NUP88: variants seen among roughly 807,000 people sequenced by gnomAD.
NUP88 encodes the protein nuclear pore complex protein Nup88.
Under a neutral mutation model 93.9 loss-of-function variants are expected in NUP88, and 57 were observed. The ratio of observed to expected loss-of-function variants is 0.61; its 90% CI spans 0.49 to 0.76. The LOEUF (loss-of-function observed/expected upper bound fraction) is 0.76, where lower values mean the gene tolerates loss of function less well. NUP88 is among the 30% of genes least tolerant of loss of function. The probability of loss-of-function intolerance (pLI) is 0.00; values close to 1 mark genes in which losing one functional copy is unlikely to be tolerated. For missense variants in NUP88, 911 were observed against 901.0 expected (o/e 1.01, Z -0.14); for synonymous variants, 346 against 336.8 (o/e 1.03, Z -0.30).
At chr17:5,386,385 A>G in intron 16 of NUP88, 116 bp from the exon 17 acceptor site, 1 of 830,326 alleles carries the variant, frequency 1.2e-6, no homozygotes, top group Non-Finnish European at 2.0e-6. Context: ...TAAAATTAAC[A>G]GCTGAAGGTT....
In NUP88 at chr17:5,386,844, T is replaced by C. The variant is rs1912023944; in HGVS notation, c.2044-18A>G. On this transcript the variant is annotated intron_variant, in intron 15 of 16. Coordinates refer to ENST00000573584, the MANE Select transcript of NUP88 (RefSeq NM_002532.6). The stretch of plus-strand genomic sequence containing the variant: ...ATAGTAACCTTAAGTATTAAAATAA[T>C]AGATATTTTGGCAGTGGTTTGCCAC... The C allele has an allele frequency of 1.3e-6, 2 of 1,588,822 alleles. No individual in the cohort carries two copies.
At position 5,416,664 on chromosome 17, in the gene NUP88, G is replaced by C. The variant is rs144183933; in HGVS notation, c.316C>G (p.Pro106Ala). 5.6e-6 allele frequency: 9 copies of C among 1,606,162 alleles called. No individual in the cohort carries two copies. In the East Asian group the frequency reaches 1.6e-4, roughly 28 times the overall value. Residue 106 changes from proline (P) to alanine (A), a missense_variant, in exon 2 of 17, where the codon CCA becomes GCA. Transcript: ENST00000573584. ...ACTTGATAGATTTCAAACAGGGGTGGATTTATGCAAAGCAATCTCTGAAAA... is the reference window on the plus strand; with the variant it reads ...ACTTGATAGATTTCAAACAGGGGTGCATTTATGCAAAGCAATCTCTGAAAA... ...SQYQRLLCIN[P>A]PLFEIYQVLL...
chr17:5,392,235 T>A (rs1046913793), intron 9 of NUP88, among the ~76,000 whole-genome samples: 2 of 152,192 alleles, frequency 1.3e-5, no homozygotes, highest in Non-Finnish European at 2.9e-5. Flanking sequence ...TGCCCCCGAA[T>A]GTGGATGCCG....
chr17:5,414,164 A>G, intron 2 of NUP88, 30 bp from the exon 3 acceptor site: 2 of 1,599,924 alleles, frequency 1.3e-6, no homozygotes, highest in South Asian at 1.1e-5. Flanking sequence ...TTTCCAAAAC[A>G]TTTTGTACAA....
chr17:5,391,512 T>A (rs767095086), intron 10 of NUP88, 49 bp downstream of exon 10: 1 of 1,456,746 alleles, frequency 6.9e-7, no homozygotes, highest in Non-Finnish European at 9.6e-7. Context: ...CCAACTTAGA[T>A]ATTGCAGAAT....
chr17:5,400,763 G>A (rs1282196293), intron 7 of NUP88, among the ~76,000 whole-genome samples: 1 of 152,136 alleles, frequency 6.6e-6, no homozygotes, highest in Non-Finnish European at 1.5e-5. Flanking sequence ...TTAACACAAC[G>A]GCTCAGGGAA....
rs756187140 is a variant in NUP88 at position 5,408,846 on chromosome 17, T to C, written c.744A>G (p.Ala248=). 6 of 1,613,868 alleles carry C rather than the reference T, an allele frequency of 3.7e-6. No homozygotes were observed. In the African/African-American group the frequency reaches 8.0e-5, roughly 22 times the overall value. ...TTTGTCCAAATAGAGTCTTTGGGAC[T>C]GCTGCCAATGGCCCAAAGTCAAATG... ...AVAFDFGPLA[A]VPKTLFGQNG... The change falls in exon 5 of 17, where the codon GCA becomes GCG. Residue 248 remains alanine, a synonymous_variant. Coordinates refer to ENST00000573584, the MANE Select transcript of NUP88 (RefSeq NM_002532.6).
chr17:5,393,756 T>G (rs1912597651), intron 9 of NUP88, among the ~76,000 whole-genome samples: 1 of 152,212 alleles, frequency 6.6e-6, no homozygotes. Flanking sequence ...CTTTTCAAGC[T>G]GGTACAGTTT....
intron 9 of NUP88, among the ~76,000 whole-genome samples, chr17:5,392,245 G>A (rs1055557536): frequency 6.6e-6 from 1 of 152,100 alleles, no homozygotes; most frequent in South Asian, 2.1e-4. Context: ...TGTGGATGCC[G>A]CCTCCTCTCA....
intron 9 of NUP88, among the ~76,000 whole-genome samples, chr17:5,393,884 C>T (rs1227728612): frequency 6.6e-6 from 1 of 152,126 alleles, no homozygotes; most frequent in African/African-American, 2.4e-5. Flanking sequence ...TACTCCATGT[C>T]TAACAGAGTG....
At chr17:5,390,445 T>C (rs2144764675) in intron 10 of NUP88, among the ~76,000 whole-genome samples, 1 of 152,330 alleles carries the variant, frequency 6.6e-6, no homozygotes, top group South Asian at 2.1e-4. Flanking sequence ...TCAAAGACTA[T>C]GGAAGATCCT....
chr17:5,416,188 T>TACACACACACACACAC lies in NUP88; in HGVS notation c.467+309_467+324dup, dbSNP rs149950508. On this transcript the variant is annotated intron_variant, in intron 2 of 16. Coordinates refer to ENST00000573584, the MANE Select transcript of NUP88 (RefSeq NM_002532.6). ...AAAAGTATATATATATATACACACA[T>TACACACACACACACAC]ACACACACACACACACACATAAAAT... 3.9e-3 allele frequency among the ~76,000 whole-genome samples: 488 copies of TACACACACACACACAC among 126,032 alleles called. 4 individuals are homozygous for TACACACACACACACAC. The highest frequency in any genetic ancestry group is 0.013 in the African/African-American group (449 of 33,390). The allele number at this position is 126,032 out of a possible 152,430, so 82.7% of individuals were successfully genotyped here.
chr17:5,406,258 T>A (rs372788074), intron 5 of NUP88, among the ~76,000 whole-genome samples: 1 of 152,180 alleles, frequency 6.6e-6, no homozygotes, highest in South Asian at 2.1e-4. Context: ...GGAAGGGGAT[T>A]GTTGAGCATT....
rs1242339722 is a variant in NUP88, at chr17:5,386,842, AATAG to A, written c.2044-20_2044-17del. ...TCATAGTAACCTTAAGTATTAAAAT[AATAG>A]ATATTTTGGCAGTGGTTTGCCACAC... On this transcript the variant is annotated splice_polypyrimidine_tract_variant and intron_variant, in intron 15 of 16. Transcript: ENST00000573584. 3 of 1,595,326 alleles carry A rather than the reference AATAG, an allele frequency of 1.9e-6. No homozygotes were observed. In the East Asian group the frequency reaches 6.7e-5, roughly 36 times the overall value.
chr17:5,390,315 AT>A (rs1276490254), intron 10 of NUP88, among the ~76,000 whole-genome samples: 1 of 152,048 alleles, frequency 6.6e-6, no homozygotes, highest in Non-Finnish European at 1.5e-5. Flanking sequence ...CTTACAGGTA[AT>A]TTTTTCTCCA....
chr17:5,391,531 G>A, intron 10 of NUP88, 30 bp downstream of exon 10: 1 of 1,538,604 alleles, frequency 6.5e-7, no homozygotes, highest in Non-Finnish European at 9.0e-7. Flanking sequence ...ATTAACAAGA[G>A]CTGTGTGGAG....
intron 2 of NUP88, among the ~76,000 whole-genome samples, chr17:5,415,873 G>A (rs887246200): frequency 1.6e-4 from 25 of 151,874 alleles, no homozygotes; most frequent in Admixed American, 1.4e-3. Flanking sequence ...GGCCAGGTGC[G>A]GTGGCTCACA....
At chr17:5,395,513 G>C (rs1041696260) in intron 8 of NUP88, among the ~76,000 whole-genome samples, 16 of 150,858 alleles carry the variant, frequency 1.1e-4, no homozygotes, top group Non-Finnish European at 2.4e-4. Context: ...TTTCAGAGTA[G>C]GGATACTCAA....
intron 6 of NUP88, 77 bp downstream of exon 6, chr17:5,404,980 T>C (rs1400465003): frequency 8.3e-7 from 1 of 1,209,352 alleles, no homozygotes; most frequent in South Asian, 1.6e-5. Context: ...TTCCTTCTCA[T>C]ATATTAAGCA....
Sources: allele counts gnomAD v4.1 joint callset (sites outside exome capture counted in the v4.1 genomes callset), GRCh38; gene constraint gnomAD v4.1.1; transcripts MANE v1.5; gene names NCBI Gene and HGNC (gene_info 2026-07-23, HGNC 2026-07-21).